The following PEBP4 variants were observed in gnomAD, a reference collection of about 807,000 sequenced individuals.
The protein encoded by PEBP4 is phosphatidylethanolamine-binding protein 4.
In PEBP4, 22 loss-of-function variants were observed where a neutral mutation model predicts 23.9. The observed-to-expected ratio is 0.92, with a 90% CI of 0.66 to 1.31. The LOEUF (loss-of-function observed/expected upper bound fraction) is 1.31. PEBP4 is among the 40% of genes most tolerant of loss of function. PEBP4 has a pLI of 0.00. For missense variants in PEBP4, 324 were observed against 281.7 expected (o/e 1.15, Z -1.07); for synonymous variants, 112 against 99.3 (o/e 1.13, Z -0.76).
At chr8:22,735,479 C>A (rs370653367) in intron 4 of PEBP4, among the ~76,000 whole-genome samples, 3 of 152,196 alleles carry the variant, frequency 2.0e-5, no homozygotes, top group African/African-American at 7.2e-5. Flanking sequence ...TCCGTTGAAG[C>A]CAGAACCAGC....
chr8:22,879,040 C>A lies in PEBP4; in HGVS notation c.258+41144G>T, dbSNP rs1808187743. On this transcript the variant is annotated intron_variant, in intron 3 of 6. Coordinates refer to ENST00000256404, the MANE Select transcript of PEBP4 (RefSeq NM_144962.3). ...TTTAGAGACTGAAAGAGAGGACAAG[C>A]CCTTCCCCATGGGAAACATTTTACT... Among the ~76,000 whole-genome samples, 3 of 152,178 alleles carry A rather than the reference C, an allele frequency of 2.0e-5. No individual in the cohort carries two copies. In the South Asian group the frequency reaches 6.2e-4, roughly 32 times the overall value.
At chr8:22,746,605 C>A (rs752207600) in intron 4 of PEBP4, among the ~76,000 whole-genome samples, 3 of 151,770 alleles carry the variant, frequency 2.0e-5, no homozygotes, top group African/African-American at 7.3e-5. Flanking sequence ...TCCTTTGTTC[C>A]GCCCTCTCCT....
At chr8:22,774,712 C>T (rs947347713) in intron 4 of PEBP4, among the ~76,000 whole-genome samples, 2 of 152,188 alleles carry the variant, frequency 1.3e-5, no homozygotes, top group African/African-American at 2.4e-5. Flanking sequence ...GACAGGGAGC[C>T]GCTCTGGCCC....
At chr8:22,916,424 C>T (rs891998022) in intron 3 of PEBP4, among the ~76,000 whole-genome samples, 29 of 152,190 alleles carry the variant, frequency 1.9e-4, no homozygotes, top group Non-Finnish European at 1.0e-4. Context: ...CCACGTTTTC[C>T]TGTGTTACTT....
At chr8:22,800,857 C>A (rs1806366424) in intron 4 of PEBP4, among the ~76,000 whole-genome samples, 1 of 152,140 alleles carries the variant, frequency 6.6e-6, no homozygotes, top group Non-Finnish European at 1.5e-5. Context: ...TCTTACATAA[C>A]CTTTCATAAC....
intron 3 of PEBP4, among the ~76,000 whole-genome samples, chr8:22,821,941 C>T (rs1376220283): frequency 3.4e-5 from 5 of 146,678 alleles, no homozygotes; most frequent in Non-Finnish European, 5.9e-5. Context: ...GCCGAGATCG[C>T]GCCATTGCAC....
intron 4 of PEBP4, among the ~76,000 whole-genome samples, chr8:22,802,016 C>T (rs1441007404): frequency 6.6e-6 from 1 of 152,176 alleles, no homozygotes; most frequent in Non-Finnish European, 1.5e-5. Context: ...GGCCAGCAGC[C>T]CAGGGAGCTC....
chr8:22,921,332 C>T (rs1403919906), intron 2 of PEBP4, among the ~76,000 whole-genome samples: 6 of 152,214 alleles, frequency 3.9e-5, no homozygotes, highest in Non-Finnish European at 8.8e-5. Context: ...AGGGCTAAGC[C>T]GCTCTACAGC....
chr8:22,876,851 G>A (rs1329063054), intron 3 of PEBP4, among the ~76,000 whole-genome samples: 3 of 152,272 alleles, frequency 2.0e-5, no homozygotes, highest in African/African-American at 7.2e-5. Context: ...TAATGTTCAG[G>A]GTAGAAAGGA....
At chr8:22,799,542 CTTTA>C (rs1806337839) in intron 4 of PEBP4, among the ~76,000 whole-genome samples, 1 of 152,174 alleles carries the variant, frequency 6.6e-6, no homozygotes, top group Non-Finnish European at 1.5e-5. Context: ...CCAAATTTTG[CTTTA>C]TTTATTTATG....
chr8:22,903,096 T>C lies in PEBP4; in HGVS notation c.258+17088A>G, dbSNP rs529446204. Among the ~76,000 whole-genome samples, 243 of 152,330 alleles carry C rather than the reference T, an allele frequency of 1.6e-3. 2 individuals are homozygous for C. Among genetic ancestry groups the C allele is most frequent in the Middle Eastern group, 3.4e-3 (1 of 294 alleles). On this transcript the variant is annotated intron_variant, in intron 3 of 6. Coordinates refer to ENST00000256404, the MANE Select transcript of PEBP4 (RefSeq NM_144962.3). Reference sequence around the variant, plus strand: ...AAACTTGGATTCCATCTCGCTCTGATAGCCTTCTACTCCCATAGCTTAAGC... The same window carrying C: ...AAACTTGGATTCCATCTCGCTCTGACAGCCTTCTACTCCCATAGCTTAAGC...
intron 3 of PEBP4, among the ~76,000 whole-genome samples, chr8:22,918,572 C>T (rs1585343742): frequency 2.0e-5 from 3 of 152,176 alleles, no homozygotes; most frequent in South Asian, 2.1e-4. Context: ...GTCTACACTG[C>T]CATCTAGTGG....
intron 6 of PEBP4, among the ~76,000 whole-genome samples, chr8:22,714,431 G>C (rs1416128726): frequency 6.6e-6 from 1 of 151,894 alleles, no homozygotes; most frequent in Non-Finnish European, 1.5e-5. Flanking sequence ...ATAGCAAATC[G>C]CTTGTTGGTG....
At chr8:22,927,776 A>T (rs1809381026) in intron 1 of PEBP4, 47 bp downstream of exon 1, 1 of 1,602,792 alleles carries the variant, frequency 6.2e-7, no homozygotes, top group African/African-American at 1.3e-5. Flanking sequence ...CTTCCTGCCC[A>T]CTACCTGTGC....
At chr8:22,874,629 T>TTTA in intron 3 of PEBP4, among the ~76,000 whole-genome samples, 1 of 152,022 alleles carries the variant, frequency 6.6e-6, no homozygotes, top group East Asian at 1.9e-4. Flanking sequence ...ACCAGAGGTT[T>TTTA]TTATTATTAT....
chr8:22,816,738 T>C (rs929598051), intron 4 of PEBP4, among the ~76,000 whole-genome samples: 4 of 151,978 alleles, frequency 2.6e-5, no homozygotes. Flanking sequence ...TCTTACAGAG[T>C]TGATGCCTTT....
intron 3 of PEBP4, among the ~76,000 whole-genome samples, chr8:22,883,666 G>T (rs796995769): frequency 6.6e-6 from 1 of 152,142 alleles, no homozygotes; most frequent in South Asian, 2.1e-4. Flanking sequence ...TTTGAGTTCC[G>T]TGGACAGCCT....
At chr8:22,887,763 C>A (rs192670633) in intron 3 of PEBP4, 1 of 152,080 alleles carries the variant, frequency 6.6e-6, no homozygotes, top group Non-Finnish European at 1.5e-5. Context: ...TCTCAAAGAA[C>A]GTATTTACCG....
intron 4 of PEBP4, among the ~76,000 whole-genome samples, chr8:22,763,312 G>A (rs1805547785): frequency 1.3e-5 from 2 of 152,196 alleles, no homozygotes; most frequent in South Asian, 4.1e-4. Context: ...GCCGGAAGAA[G>A]TCTTAAACCC....
Sources: allele counts gnomAD v4.1 joint callset (sites outside exome capture counted in the v4.1 genomes callset), GRCh38; gene constraint gnomAD v4.1.1; transcripts MANE v1.5; gene names NCBI Gene and HGNC (gene_info 2026-07-23, HGNC 2026-07-21).